The following ANO2 variants were observed in gnomAD, a reference collection of about 807,000 sequenced individuals.
The protein encoded by ANO2 is anoctamin-2.
A neutral mutation model predicts 124.2 loss-of-function variants in ANO2; 101 were observed. That is an observed-to-expected ratio of 0.81 (90% CI 0.69 to 0.96). The LOEUF (loss-of-function observed/expected upper bound fraction) is 0.96, where lower values mean the gene tolerates loss of function less well. Ranked by LOEUF, ANO2 falls within the 40% of genes least tolerant of loss-of-function variation. ANO2 has a pLI of 0.00. For missense variants in ANO2, 1,293 were observed against 1,274.5 expected (o/e 1.01, Z -0.22); for synonymous variants, 486 against 482.5 (o/e 1.01, Z -0.09).
In ANO2 at chr12:5,635,004, C is replaced by CA. The variant is rs752716885; in HGVS notation, c.1816+147dup. ...CCTTTGACAGCCCTACAAATACACA[C>CA]ACGTTGCACTTCCCCATTTCTCTAA... is the stretch of plus-strand genomic sequence containing the variant. On this transcript the variant is annotated intron_variant, in intron 16 of 24. Transcript: ENST00000682330. This position sits in a 1 kb window ranked among gnomAD's most constrained non-coding sequence, Gnocchi z 5.2. 25 of 674,006 alleles carry CA rather than the reference C, an allele frequency of 3.7e-5. No homozygotes were observed. The highest frequency in any genetic ancestry group is 5.5e-5 in the Non-Finnish European group (24 of 432,846). 41.8% of individuals were successfully genotyped at this position (674,006 alleles called of 1,614,324 possible).
At chr12:5,766,364 T>A (rs1279447107) in intron 10 of ANO2, among the ~76,000 whole-genome samples, 7 of 152,180 alleles carry the variant, frequency 4.6e-5, no homozygotes, top group African/African-American at 1.4e-4. Flanking sequence ...GAATATTATA[T>A]AGCAATGAGA....
intron 6 of ANO2, 60 bp downstream of exon 6, chr12:5,830,375 A>G (rs1282455829): frequency 6.4e-7 from 1 of 1,555,410 alleles, no homozygotes; most frequent in African/African-American, 1.4e-5. Context: ...ATGCCCTGCC[A>G]ACTAGGAACT....
At chr12:5,838,823 G>A (rs77753585) in intron 4 of ANO2, among the ~76,000 whole-genome samples, 8,848 of 152,194 alleles carry the variant, frequency 0.058, 366 homozygotes, top group East Asian at 0.23. Context: ...ATGGACTTAC[G>A]GAGAGCAGGG....
intron 3 of ANO2, among the ~76,000 whole-genome samples, chr12:5,866,924 C>A (rs1378051344): frequency 6.6e-6 from 1 of 152,246 alleles, no homozygotes; most frequent in East Asian, 1.9e-4. Flanking sequence ...AAATTAGAAA[C>A]TTCTTCCCAC....
chr12:5,792,372 A>C (rs1952722968), intron 10 of ANO2, among the ~76,000 whole-genome samples: 1 of 152,220 alleles, frequency 6.6e-6, no homozygotes, highest in Non-Finnish European at 1.5e-5. Context: ...GTCCGACTTT[A>C]TAAAGACGCC....
intron 7 of ANO2, among the ~76,000 whole-genome samples, chr12:5,818,092 A>G (rs1953665766): frequency 6.6e-6 from 1 of 152,148 alleles, no homozygotes; most frequent in South Asian, 2.1e-4. Context: ...GGGAGGTGTG[A>G]TGGTTAATAC....
At chr12:5,655,540 A>C (rs373301599) in intron 14 of ANO2, among the ~76,000 whole-genome samples, 2 of 152,058 alleles carry the variant, frequency 1.3e-5, no homozygotes, top group African/African-American at 4.8e-5. Context: ...AACTCTCTTA[A>C]ACCATTTCCT....
In ANO2 at chr12:5,637,604, T is replaced by C. The variant is rs192256225; in HGVS notation, c.1621-2257A>G. The stretch of plus-strand genomic sequence containing the variant: ...GGAAGCTTGATTGAAATGCGGAATC[T>C]CAAGCACAACTCCAGACCTACTGAC... On this transcript the variant is annotated intron_variant, in intron 15 of 24. Transcript: ENST00000682330. Among the ~76,000 whole-genome samples, 36 of 152,234 alleles carry C rather than the reference T, an allele frequency of 2.4e-4. No individual in the cohort carries two copies. In the East Asian group the frequency reaches 5.8e-3, roughly 24 times the overall value.
intron 15 of ANO2, among the ~76,000 whole-genome samples, chr12:5,644,648 T>C (rs1946541054): frequency 6.6e-6 from 1 of 152,236 alleles, no homozygotes; most frequent in African/African-American, 2.4e-5. Flanking sequence ...TTCTCACATA[T>C]TTACCACTTT....
At chr12:5,927,718 G>C (rs2032481505) in intron 1 of ANO2, among the ~76,000 whole-genome samples, 1 of 152,244 alleles carries the variant, frequency 6.6e-6, no homozygotes, top group Non-Finnish European at 1.5e-5. Context: ...AGGTTCTGCA[G>C]AAGGCATAAG....
At chr12:5,794,789 T>A (rs552452699) in intron 10 of ANO2, among the ~76,000 whole-genome samples, 2 of 152,378 alleles carry the variant, frequency 1.3e-5, no homozygotes, top group East Asian at 3.9e-4. Flanking sequence ...TTGCTCACTG[T>A]AAGCATCAGT....
intron 16 of ANO2, among the ~76,000 whole-genome samples, chr12:5,621,777 T>G (rs1306158988): frequency 2.1e-5 from 3 of 142,374 alleles, no homozygotes; most frequent in East Asian, 2.0e-4. Flanking sequence ...CGAGAGAGAT[T>G]AGGGAAACAG....
chr12:5,738,581 A>AAGTGAAAGAAGAGGGGAGGAGGGCTG (rs1950968433), intron 13 of ANO2, among the ~76,000 whole-genome samples: 4 of 152,042 alleles, frequency 2.6e-5, no homozygotes, highest in Non-Finnish European at 4.4e-5. Context: ...CTGAGCTTGG[A>AAGTGAAAGAAGAGGGGAGGAGGGCTG]AGTGAAAGAA....
At chr12:5,576,529 T>C (rs1252463065) in intron 22 of ANO2, among the ~76,000 whole-genome samples, 1 of 152,232 alleles carries the variant, frequency 6.6e-6, no homozygotes, top group African/African-American at 2.4e-5. Context: ...TAGCATGTCA[T>C]GTAATAGAAG....
At position 5,612,673 on chromosome 12, in the gene ANO2, G is replaced by C; in HGVS notation, c.2070C>G (p.Ile690Met). Reference sequence around the variant, plus strand: ...TTACATACGGGACTCCAATCTCAAAGATGTTGTTCTGGATCAACTGCTTCC... The same window carrying C: ...TTACATACGGGACTCCAATCTCAAACATGTTGTTCTGGATCAACTGCTTCC... The part of the protein sequence containing the change: ...MLGKQLIQNN[I>M]FEIGVPKLKK... The change falls in exon 19 of 25, where the codon ATC becomes ATG. Residue 690 changes from isoleucine (I) to methionine (M), a missense_variant. Transcript: ENST00000682330. 6.2e-7 allele frequency: 1 copy of C among 1,613,914 alleles called. No individual in the cohort carries two copies. Among genetic ancestry groups the C allele is most frequent in the Non-Finnish European group, 8.5e-7 (1 of 1,179,844 alleles).
chr12:5,756,820 G>A (rs17788635), intron 10 of ANO2, among the ~76,000 whole-genome samples: 4,955 of 152,340 alleles, frequency 0.033, 97 homozygotes, highest in South Asian at 0.065. Context: ...ATGGGTCCAC[G>A]GGCAGATGAG....
intron 3 of ANO2, among the ~76,000 whole-genome samples, chr12:5,920,468 A>C (rs1941635328): frequency 6.6e-6 from 1 of 152,084 alleles, no homozygotes; most frequent in Non-Finnish European, 1.5e-5. Context: ...CCAACTCCCA[A>C]AGAACAGATT....
chr12:5,652,834 G>C (rs146867445), intron 14 of ANO2, among the ~76,000 whole-genome samples: 1,721 of 152,034 alleles, frequency 0.011, 35 homozygotes, highest in African/African-American at 0.039. Flanking sequence ...GATCATATCT[G>C]TCAGATTTTT....
chr12:5,704,786 C>T (rs111951374), intron 14 of ANO2, among the ~76,000 whole-genome samples: 38 of 151,986 alleles, frequency 2.5e-4, no homozygotes, highest in African/African-American at 8.7e-4. Context: ...AGCTTTCTGA[C>T]GAAATGTTTT....
Sources: allele counts gnomAD v4.1 joint callset (sites outside exome capture counted in the v4.1 genomes callset), GRCh38; gene constraint gnomAD v4.1.1; non-coding constraint Gnocchi (gnomAD v3.1); transcripts MANE v1.5; gene names NCBI Gene and HGNC (gene_info 2026-07-23, HGNC 2026-07-21).